LCORL: variants seen among roughly 807,000 people sequenced by gnomAD.
The protein encoded by LCORL is ligand-dependent nuclear receptor corepressor-like protein.
LCORL carries 41 observed loss-of-function variants against 141.8 expected under a neutral mutation model. The observed-to-expected ratio is 0.29, with a 90% CI of 0.23 to 0.38. The LOEUF is 0.38. Ranked by LOEUF, LCORL falls within the 10% of genes least tolerant of loss-of-function variation. The pLI, the probability that LCORL is intolerant of heterozygous loss-of-function variation, is 1.00. For synonymous variants in LCORL, 618 were observed against 694.1 expected, an observed-to-expected ratio of 0.89 and a Z score of 1.72; for missense variants, 1,759 against 2,035.0, an observed-to-expected ratio of 0.86 and a Z score of 2.61.
chr4:17,936,361 A>G (rs773567730), intron 4 of LCORL, among the ~76,000 whole-genome samples: 152 of 82,788 alleles, frequency 1.8e-3, no homozygotes, highest in Non-Finnish European at 2.7e-3. Flanking sequence ...TCTCATAATG[A>G]AAAAAAAAAA....
intron 4 of LCORL, among the ~76,000 whole-genome samples, chr4:17,922,934 A>T (rs1734526414): frequency 1.3e-5 from 2 of 152,156 alleles, no homozygotes; most frequent in East Asian, 3.9e-4. Flanking sequence ...GTCTGAGGAG[A>T]TTAATCGTGC....
intron 7 of LCORL, among the ~76,000 whole-genome samples, chr4:17,860,368 A>T (rs889675227): frequency 6.6e-6 from 1 of 152,212 alleles, no homozygotes; most frequent in African/African-American, 2.4e-5. Context: ...CATGTCTCAC[A>T]TGGTGGCAGA....
chr4:17,957,936 T>C (rs1713004505), intron 4 of LCORL, among the ~76,000 whole-genome samples: 1 of 151,980 alleles, frequency 6.6e-6, no homozygotes. Flanking sequence ...CAATCAAGGA[T>C]GTCTGCATTT....
intron 4 of LCORL, among the ~76,000 whole-genome samples, chr4:17,936,145 T>C (rs748156864): frequency 1.3e-5 from 2 of 152,128 alleles, no homozygotes; most frequent in Non-Finnish European, 2.9e-5. Flanking sequence ...AAGACACAAG[T>C]AGCTTGGTGT....
At chr4:17,915,516 GGTAGGT>G (rs1560335677) in intron 4 of LCORL, among the ~76,000 whole-genome samples, 1 of 152,158 alleles carries the variant, frequency 6.6e-6, no homozygotes, top group East Asian at 1.9e-4. Flanking sequence ...AAACTGAAAA[GGTAGGT>G]GTCACTTTCA....
intron 4 of LCORL, among the ~76,000 whole-genome samples, chr4:17,929,099 G>T (rs781754120): frequency 2.6e-5 from 4 of 152,062 alleles, no homozygotes; most frequent in Non-Finnish European, 4.4e-5. Flanking sequence ...AAAGGCAGAA[G>T]AGTTGTACAC....
chr4:17,860,141 G>A (rs773413535), intron 7 of LCORL, among the ~76,000 whole-genome samples: 3 of 152,138 alleles, frequency 2.0e-5, no homozygotes, highest in Non-Finnish European at 4.4e-5. Flanking sequence ...CAAAGAACGT[G>A]AATAGCCAAG....
intron 4 of LCORL, among the ~76,000 whole-genome samples, chr4:17,955,332 G>T (rs928613364): frequency 1.4e-4 from 22 of 152,160 alleles, no homozygotes; most frequent in African/African-American, 5.3e-4. Context: ...CAATTTCAGT[G>T]GAGTGGTAGG....
intron 7 of LCORL, among the ~76,000 whole-genome samples, chr4:17,854,519 T>C (rs1378750149): frequency 6.6e-6 from 1 of 152,166 alleles, no homozygotes; most frequent in Non-Finnish European, 1.5e-5. Context: ...TAAATTTGTG[T>C]AGACAGATAA....
intron 1 of LCORL, among the ~76,000 whole-genome samples, chr4:17,989,722 G>A (rs570551491): frequency 6.6e-6 from 1 of 152,324 alleles, no homozygotes; most frequent in South Asian, 2.1e-4. Context: ...CAAGGCATGT[G>A]TATTATTTAT....
chr4:17,922,569 C>T (rs1734465397), intron 4 of LCORL, among the ~76,000 whole-genome samples: 1 of 152,186 alleles, frequency 6.6e-6, no homozygotes, highest in Admixed American at 6.5e-5. Flanking sequence ...CATACTGAGT[C>T]TCAATCTTCT....
At chr4:17,879,559 A>G (rs750463454) in intron 6 of LCORL, among the ~76,000 whole-genome samples, 1 of 151,112 alleles carries the variant, frequency 6.6e-6, no homozygotes, top group Non-Finnish European at 1.5e-5. Flanking sequence ...TTTTGAAAAT[A>G]ATTTTTTATA....
At chr4:17,877,215 T>C (rs1486373034) in exon 7 of LCORL, 1 of 1,230,230 alleles carries the variant, frequency 8.1e-7, no homozygotes, top group Non-Finnish European at 1.0e-6. Flanking sequence ...TACCTTTTTA[T>C]CATGTTGACT....
chr4:17,859,815 C>T (rs573998469), intron 7 of LCORL, among the ~76,000 whole-genome samples: 1 of 152,274 alleles, frequency 6.6e-6, no homozygotes, highest in South Asian at 2.1e-4. Context: ...ACACCAACAA[C>T]AGTCCAAGCT....
intron 5 of LCORL, among the ~76,000 whole-genome samples, chr4:17,897,213 C>CTTT (rs761784734): frequency 4.7e-5 from 3 of 63,994 alleles, no homozygotes; most frequent in Non-Finnish European, 5.8e-5. Context: ...ATACTGATTT[C>CTTT]TTTTTTTTTT....
intron 1 of LCORL, among the ~76,000 whole-genome samples, chr4:18,000,993 G>T (rs1397515745): frequency 1.3e-5 from 2 of 152,172 alleles, no homozygotes; most frequent in African/African-American, 2.4e-5. Flanking sequence ...AAGCCCACAG[G>T]CATAGTGTTT....
At chr4:17,968,049 G>C (rs1715254614) in intron 2 of LCORL, among the ~76,000 whole-genome samples, 1 of 151,816 alleles carries the variant, frequency 6.6e-6, no homozygotes, top group African/African-American at 2.4e-5. Flanking sequence ...GTAGAGATGG[G>C]GTTTCACCAT....
chr4:17,925,239 G>A (rs1162119083), intron 4 of LCORL, among the ~76,000 whole-genome samples: 1 of 152,150 alleles, frequency 6.6e-6, no homozygotes, highest in African/African-American at 2.4e-5. Flanking sequence ...CTATGAAGAT[G>A]AAATTAGTCT....
exon 2 of LCORL, chr4:17,972,884 A>G: frequency 7.1e-7 from 1 of 1,407,314 alleles, no homozygotes; most frequent in Non-Finnish European, 9.3e-7. Flanking sequence ...TACTCTCAAA[A>G]CCTGTGTTTT....
Sources: allele counts gnomAD v4.1 joint callset (sites outside exome capture counted in the v4.1 genomes callset), GRCh38; gene constraint gnomAD v4.1.1; transcripts MANE v1.5; gene names NCBI Gene and HGNC (gene_info 2026-07-23, HGNC 2026-07-21).